CAPN2: variants seen among roughly 807,000 people sequenced by gnomAD.
CAPN2 encodes calpain-2 catalytic subunit.
CAPN2 carries 92 observed loss-of-function variants against 102.3 expected under a neutral mutation model. That is an observed-to-expected ratio of 0.90 (90% confidence interval 0.76 to 1.07). CAPN2 has a LOEUF of 1.07. Ranked by LOEUF, CAPN2 falls within the 50% of genes least tolerant of loss-of-function variation. The pLI, the probability that CAPN2 is intolerant of heterozygous loss-of-function variation, is 0.00. For synonymous variants in CAPN2, 340 were observed against 355.4 expected, an observed-to-expected ratio of 0.96 and a Z score of 0.49; for missense variants, 800 against 909.4, an observed-to-expected ratio of 0.88 and a Z score of 1.55.
chr1:223,743,984 C>A, intron 2 of CAPN2, 116 bp from the exon 3 acceptor site: 1 of 727,252 alleles, frequency 1.4e-6, no homozygotes, highest in Non-Finnish European at 2.5e-6. Context: ...TGAAACTTCA[C>A]TCTGTCTATT....
intron 2 of CAPN2, among the ~76,000 whole-genome samples, chr1:223,737,240 C>T (rs566553457): frequency 1.3e-5 from 2 of 152,266 alleles, no homozygotes; most frequent in African/African-American, 4.8e-5. Context: ...CCCAGCCTCT[C>T]AGGTCTGTGC....
intron 2 of CAPN2, among the ~76,000 whole-genome samples, chr1:223,720,775 C>A (rs75243912): frequency 6.6e-6 from 1 of 152,088 alleles, no homozygotes; most frequent in Non-Finnish European, 1.5e-5. Context: ...TAAAAAAAAA[C>A]TGAGCCACAG....
intron 2 of CAPN2, among the ~76,000 whole-genome samples, chr1:223,728,453 G>A (rs773661306): frequency 2.6e-5 from 4 of 152,076 alleles, no homozygotes; most frequent in Non-Finnish European, 2.9e-5. Context: ...TCATCTTTAC[G>A]ACCTAGGCTT....
At chr1:223,757,232 A>G in intron 10 of CAPN2, 137 bp from the exon 11 acceptor site, 1 of 972,540 alleles carries the variant, frequency 1.0e-6, no homozygotes, top group Non-Finnish European at 1.6e-6. Flanking sequence ...AGTTCCTTGG[A>G]AAACAGTTAC....
At chr1:223,767,172 CT>C (rs1558078615) in intron 16 of CAPN2, among the ~76,000 whole-genome samples, 17 of 150,688 alleles carry the variant, frequency 1.1e-4, no homozygotes, top group Non-Finnish European at 2.1e-4. Context: ...TCGTCGTCTT[CT>C]TTATTTATTT....
chr1:223,757,486 C>A, intron 11 of CAPN2, 106 bp downstream of exon 11: 1 of 1,285,638 alleles, frequency 7.8e-7, no homozygotes, highest in South Asian at 1.2e-5. Flanking sequence ...GGCTGGTGGT[C>A]ATGAAGGATG....
At chr1:223,765,638 G>A (rs554470148) in intron 15 of CAPN2, among the ~76,000 whole-genome samples, 3 of 130,770 alleles carry the variant, frequency 2.3e-5, no homozygotes, top group Non-Finnish European at 4.8e-5. Flanking sequence ...GCTGCCTGCT[G>A]ACTCCAGCCT....
chr1:223,758,701 T>G (rs1358653062), intron 11 of CAPN2: 1 of 152,700 alleles, frequency 6.5e-6, no homozygotes, highest in East Asian at 1.9e-4. Flanking sequence ...TTTTGTTTTT[T>G]TTTTTTTTAA....
At chr1:223,773,289 G>T (rs1490163946) in intron 20 of CAPN2, 1 of 152,204 alleles carries the variant, frequency 6.6e-6, no homozygotes, top group Non-Finnish European at 1.5e-5. Flanking sequence ...GGCCGCAGTG[G>T]TTCATGCCTG....
intron 16 of CAPN2, among the ~76,000 whole-genome samples, chr1:223,766,634 C>T (rs1423819632): frequency 6.6e-6 from 1 of 151,404 alleles, no homozygotes; most frequent in Non-Finnish European, 1.5e-5. Context: ...AAATGCTACA[C>T]CCCCCCTCCC....
At chr1:223,719,860 G>C (rs1403881491) in intron 2 of CAPN2, among the ~76,000 whole-genome samples, 4 of 151,960 alleles carry the variant, frequency 2.6e-5, no homozygotes, top group Non-Finnish European at 5.9e-5. Flanking sequence ...TGCAGTATTG[G>C]TCATTTTGTT....
rs373953799 is a variant in CAPN2, at chr1:223,761,655, G to A, written c.1566+38G>A. 2,500 of 1,568,546 alleles carry A rather than the reference G, an allele frequency of 1.6e-3. 46 individuals carry two copies. The South Asian group carries it at 0.025, about 16-fold the overall frequency. ...CTTTGAATTTCACCCACTCTGTCCTGGACAATCCAGAGAGCAGAGGAGCAA... is the reference window on the plus strand; with the variant it reads ...CTTTGAATTTCACCCACTCTGTCCTAGACAATCCAGAGAGCAGAGGAGCAA... On this transcript the variant is annotated intron_variant, in intron 13 of 20. Transcript: ENST00000295006.
intron 1 of CAPN2, among the ~76,000 whole-genome samples, chr1:223,707,414 A>G (rs1892077): frequency 0.2 from 29,707 of 152,120 alleles, 3,256 homozygotes; most frequent in African/African-American, 0.29. Context: ...GTTTTCCACC[A>G]TGAAGTGTTT....
At chr1:223,724,722 C>T (rs1660143624) in intron 2 of CAPN2, among the ~76,000 whole-genome samples, 2 of 152,190 alleles carry the variant, frequency 1.3e-5, no homozygotes, top group African/African-American at 2.4e-5. Context: ...GTAATCCCAA[C>T]ACTTTGGGAG....
intron 1 of CAPN2, among the ~76,000 whole-genome samples, chr1:223,702,514 A>G (rs991523960): frequency 6.6e-6 from 1 of 152,170 alleles, no homozygotes; most frequent in African/African-American, 2.4e-5. Context: ...TTATATGGAG[A>G]ATTATTTGGA....
At chr1:223,749,392 AC>A (rs778001600) in intron 6 of CAPN2, 2 of 561,648 alleles carry the variant, frequency 3.6e-6, no homozygotes, top group Non-Finnish European at 6.3e-6. Flanking sequence ...TTTTACAGTT[AC>A]AACCTTACTA....
At chr1:223,743,408 C>T (rs763943249) in intron 2 of CAPN2, among the ~76,000 whole-genome samples, 21 of 152,138 alleles carry the variant, frequency 1.4e-4, no homozygotes, top group Non-Finnish European at 2.5e-4. Flanking sequence ...TCTGACCTTC[C>T]TCCTAGGAGG....
At chr1:223,758,236 CGA>C (rs2102808298) in intron 11 of CAPN2, 1 of 152,278 alleles carries the variant, frequency 6.6e-6, no homozygotes, top group African/African-American at 2.4e-5. Context: ...TTAAATTTTG[CGA>C]GAGCATTTGG....
chr1:223,760,683 C>T (rs911039573), intron 12 of CAPN2, among the ~76,000 whole-genome samples: 8 of 152,180 alleles, frequency 5.3e-5, no homozygotes, highest in Non-Finnish European at 8.8e-5. Flanking sequence ...ACTCATTACT[C>T]TCCCTGCCAG....
Sources: gnomAD v4.1 joint callset for allele counts (sites outside exome capture counted in the v4.1 genomes callset) on GRCh38, gnomAD v4.1.1 for gene constraint, MANE v1.5 for transcripts, NCBI Gene and HGNC (gene_info 2026-07-23, HGNC 2026-07-21) for gene names.